The following PCDHA3 variants were observed in gnomAD, a reference collection of about 807,000 sequenced individuals.
PCDHA3 encodes protocadherin alpha 3.
A neutral mutation model predicts 62.2 loss-of-function variants in PCDHA3; 41 were observed. The observed-to-expected ratio is 0.66, with a 90% CI of 0.51 to 0.86. The LOEUF (loss-of-function observed/expected upper bound fraction) is 0.86. Ranked by LOEUF, PCDHA3 falls within the 40% of genes least tolerant of loss-of-function variation. The pLI is 0.00. For synonymous variants in PCDHA3, 640 were observed against 555.4 expected, an observed-to-expected ratio of 1.15 and a Z score of -2.14; for missense variants, 1,304 against 1,241.2, an observed-to-expected ratio of 1.05 and a Z score of -0.76.
intron 1 of PCDHA3, among the ~76,000 whole-genome samples, chr5:140,964,964 C>T (rs1035701368): frequency 2.6e-5 from 4 of 152,212 alleles, no homozygotes; most frequent in Non-Finnish European, 4.4e-5. Flanking sequence ...GTTGGTGGAA[C>T]GAAGGGATGT....
Position 140,808,872 on chromosome 5 carries a change from C to A in PCDHA3, c.2394+5281C>A, listed in dbSNP as rs782630901. The A allele has an allele frequency of 5.0e-6, 8 of 1,613,186 alleles. 1 individual carries two copies. In the South Asian group the frequency reaches 8.8e-5, roughly 18 times the overall value. On this transcript the variant is annotated intron_variant, in intron 1 of 3. Transcript: ENST00000522353. ...TTCGTGCTGGACGAAAACGACAACGCGCCAGCACTGCTAGCGCCTCGGGCG... is the reference window on the plus strand; with the variant it reads ...TTCGTGCTGGACGAAAACGACAACGAGCCAGCACTGCTAGCGCCTCGGGCG...
intron 1 of PCDHA3, among the ~76,000 whole-genome samples, chr5:140,827,091 A>T (rs2150146317): frequency 6.6e-6 from 1 of 152,332 alleles, no homozygotes; most frequent in East Asian, 1.9e-4. Flanking sequence ...ACTATTTTCT[A>T]GGAGTCAGCA....
At chr5:140,862,902 G>C (rs782710771) in intron 1 of PCDHA3, 1 of 554,284 alleles carries the variant, frequency 1.8e-6, no homozygotes, top group Non-Finnish European at 3.5e-6. Context: ...CTTTGTCTGC[G>C]CTGCTGGCGC....
intron 1 of PCDHA3, chr5:140,816,314 T>C (rs1409404833): frequency 6.6e-6 from 1 of 152,232 alleles, no homozygotes; most frequent in Non-Finnish European, 1.5e-5. Flanking sequence ...AAATTTTCAG[T>C]TCAATTATTG....
intron 1 of PCDHA3, chr5:140,851,357 G>A: frequency 2.1e-6 from 2 of 974,974 alleles, no homozygotes; most frequent in Non-Finnish European, 2.5e-6. Flanking sequence ...GATGGAGACT[G>A]TGAACATCTG....
rs1554214040 is a variant in PCDHA3, at chr5:140,941,214, C to CCTTCCTTTCTTTCTTTCTTTCTTTCTTT, written c.2395-37732_2395-37731insCCTTTCTTTCTTTCTTTCTTTCTTTCTT. Reference sequence around the variant, plus strand: ...TTTTTTCTTTCTTCCTTTCTTTCTTCCTTTCTTTCTTTCTTTCTTTCTTTC... The same window carrying CCTTCCTTTCTTTCTTTCTTTCTTTCTTT: ...TTTTTTCTTTCTTCCTTTCTTTCTTCCTTCCTTTCTTTCTTTCTTTCTTTCTTTCTTTCTTTCTTTCTTTCTTTCTTTC... On this transcript the variant is annotated intron_variant, in intron 1 of 3. Transcript: ENST00000522353. Among the ~76,000 whole-genome samples, 25 of 122,492 alleles carry CCTTCCTTTCTTTCTTTCTTTCTTTCTTT rather than the reference C, an allele frequency of 2.0e-4. 1 individual carries two copies. Among genetic ancestry groups the CCTTCCTTTCTTTCTTTCTTTCTTTCTTT allele is most frequent in the East Asian group, 4.6e-4 (2 of 4,322 alleles). The allele number at this position is 122,492 out of a possible 152,430, so 80.4% of individuals were successfully genotyped here.
chr5:140,916,979 G>A (rs1280720524), intron 1 of PCDHA3, among the ~76,000 whole-genome samples: 1 of 152,144 alleles, frequency 6.6e-6, no homozygotes, highest in African/African-American at 2.4e-5. Flanking sequence ...TGAGTGATTC[G>A]CCTCTGGCCA....
intron 1 of PCDHA3, chr5:140,866,843 TAAC>T (rs1212569386): frequency 2.6e-5 from 4 of 152,142 alleles, no homozygotes; most frequent in African/African-American, 9.7e-5. Flanking sequence ...CAAAATCAGT[TAAC>T]AATAACTGTA....
chr5:140,825,628 G>C (rs1393411798), intron 1 of PCDHA3: 1 of 151,664 alleles, frequency 6.6e-6, no homozygotes, highest in Non-Finnish European at 1.5e-5. Flanking sequence ...CACCATGTTG[G>C]TCATGGTGGT....
chr5:140,815,356 C>T (rs1194685534), intron 1 of PCDHA3: 1 of 151,876 alleles, frequency 6.6e-6, no homozygotes, highest in Non-Finnish European at 1.5e-5. Context: ...GTATATCTTC[C>T]ATAGGTATTT....
chr5:140,917,327 GGGA>G (rs1563018681), intron 1 of PCDHA3, among the ~76,000 whole-genome samples: 5 of 149,526 alleles, frequency 3.3e-5, no homozygotes, highest in Admixed American at 6.6e-5. Context: ...CATGTGGCGG[GGGA>G]GGGGGGGGAT....
Position 140,848,595 on chromosome 5 carries a change from T to C in PCDHA3, c.2394+45004T>C, listed in dbSNP as rs2150413668. The C allele has an allele frequency of 1.4e-5, 23 of 1,594,356 alleles. 3 individuals are homozygous for C. The highest frequency in any genetic ancestry group is 1.8e-5 in the Non-Finnish European group (21 of 1,164,532). Reference sequence around the variant, plus strand: ...GGTGGGGAGCGGCCAGCTCCACTACTCCGTCCCGGAGGAAGCCGAACACGG... The same window carrying C: ...GGTGGGGAGCGGCCAGCTCCACTACCCCGTCCCGGAGGAAGCCGAACACGG... On this transcript the variant is annotated intron_variant, in intron 1 of 3. Coordinates refer to ENST00000522353, the MANE Select transcript of PCDHA3 (RefSeq NM_018906.3).
chr5:140,830,084 GT>G, intron 1 of PCDHA3: 1 of 1,613,714 alleles, frequency 6.2e-7, no homozygotes, highest in Non-Finnish European at 8.5e-7. Flanking sequence ...GACGGCCACG[GT>G]TCTGGTGTCG....
At chr5:140,973,325 A>G (rs180770098) in intron 1 of PCDHA3, among the ~76,000 whole-genome samples, 71 of 152,216 alleles carry the variant, frequency 4.7e-4, no homozygotes, top group African/African-American at 1.7e-3. Context: ...CAGAGTTTAC[A>G]CTCGTTGTAA....
intron 1 of PCDHA3, chr5:140,876,344 G>T (rs1554168492): frequency 6.2e-7 from 1 of 1,614,040 alleles, no homozygotes; most frequent in Admixed American, 1.7e-5. Flanking sequence ...AGTGAGAAAT[G>T]TATGTTTTCA....
chr5:140,992,127 T>G (rs1237289084), intron 3 of PCDHA3, among the ~76,000 whole-genome samples: 1 of 151,584 alleles, frequency 6.6e-6, no homozygotes, highest in Non-Finnish European at 1.5e-5. Flanking sequence ...GGAAGAACAG[T>G]GACTGATGAT....
chr5:140,847,561 C>T (rs2150401906), intron 1 of PCDHA3: 1 of 148,992 alleles, frequency 6.7e-6, no homozygotes, highest in Non-Finnish European at 1.5e-5. Flanking sequence ...CAGAAATTGC[C>T]CCGAGTACTA....
chr5:140,971,067 G>A (rs1270982335), intron 1 of PCDHA3, among the ~76,000 whole-genome samples: 1 of 152,204 alleles, frequency 6.6e-6, no homozygotes, highest in Non-Finnish European at 1.5e-5. Flanking sequence ...TAAGGTTGCT[G>A]TAGACATTTG....
intron 3 of PCDHA3, among the ~76,000 whole-genome samples, chr5:140,984,877 C>A (rs1178230954): frequency 1.3e-5 from 2 of 151,944 alleles, no homozygotes; most frequent in Non-Finnish European, 2.9e-5. Flanking sequence ...TATTGAGTTA[C>A]CATGAGAACT....
Sources: gnomAD v4.1 joint callset for allele counts (sites outside exome capture counted in the v4.1 genomes callset) on GRCh38, gnomAD v4.1.1 for gene constraint, MANE v1.5 for transcripts, NCBI Gene and HGNC (gene_info 2026-07-23, HGNC 2026-07-21) for gene names.